NOD2: variants seen among roughly 807,000 people sequenced by gnomAD.
NOD2 encodes the protein nucleotide-binding oligomerization domain-containing protein 2.
A neutral mutation model predicts 90.9 loss-of-function variants in NOD2; 86 were observed. The observed-to-expected ratio is 0.95, with a 90% CI of 0.79 to 1.13. The LOEUF (loss-of-function observed/expected upper bound fraction) is 1.13, where lower values mean the gene tolerates loss of function less well. Among genes scored for constraint, NOD2 ranks in the 50% most tolerant of loss-of-function variants. The pLI is 0.00. For missense variants in NOD2, 1,238 were observed against 1,283.8 expected (o/e 0.96, Z 0.55); for synonymous variants, 581 against 554.6 (o/e 1.05, Z -0.67).
Position 50,722,682 on chromosome 16 carries a change from T to A in NOD2, c.2694T>A (p.Asp898Glu), listed in dbSNP as rs774129547. ...AGGCCCTGGCTGAAGCCTTGGGTGA[T>A]CACCAGAGCTTGAGGTGGCTCAGGT... is the stretch of plus-strand genomic sequence containing the variant. ...GAQALAEALGDHQSLRWLSLV... is the reference protein window; with the variant it reads ...GAQALAEALGEHQSLRWLSLV... Residue 898 changes from aspartate to glutamate, a missense_variant, in exon 8 of 12, where the codon GAT becomes GAA. Transcript: ENST00000647318. The A allele has an allele frequency of 6.2e-7, 1 of 1,614,228 alleles. No individual in the cohort carries two copies. Among genetic ancestry groups the A allele is most frequent in the South Asian group, 1.1e-5 (1 of 91,088 alleles).
intron 6 of NOD2, among the ~76,000 whole-genome samples, chr16:50,718,365 G>A (rs1227120465): frequency 6.6e-6 from 1 of 152,268 alleles, no homozygotes; most frequent in Admixed American, 6.5e-5. Context: ...CGTATAGAGC[G>A]TGGATGCGCT....
chr16:50,732,184 G>C lies in NOD2; in HGVS notation c.*365G>C. ...GCTTGTTAACTGAGTGCCTTTTGGT[G>C]GAGAGGCCCGGCCTCTCACAAAAGA... is the stretch of plus-strand genomic sequence containing the variant. On this transcript the variant is annotated 3_prime_UTR_variant, in exon 12 of 12. Transcript: ENST00000647318. The C allele has an allele frequency of 2.6e-6, 1 of 379,556 alleles. No individual in the cohort carries two copies. The highest frequency in any genetic ancestry group is 6.0e-5 in the East Asian group (1 of 16,668). The allele number at this position is 379,556 out of a possible 1,614,324, so 23.5% of individuals were successfully genotyped here.
At chr16:50,697,156 C>G in intron 1 of NOD2, 2 of 1,139,422 alleles carry the variant, frequency 1.8e-6, no homozygotes, top group South Asian at 2.6e-5. Context: ...GATCCAGGCT[C>G]ACCAGTCCTG....
intron 2 of NOD2, among the ~76,000 whole-genome samples, chr16:50,704,841 T>C (rs1964113055): frequency 6.6e-6 from 1 of 152,248 alleles, no homozygotes; most frequent in African/African-American, 2.4e-5. Context: ...TAAAACTCTT[T>C]CTGGAAGCTT....
At position 50,711,429 on chromosome 16, in the gene NOD2, C is replaced by T. The variant is rs1964494089; in HGVS notation, c.1437C>T (p.Ser479=). 2 of 1,613,366 alleles carry T rather than the reference C, an allele frequency of 1.2e-6. No individual in the cohort carries two copies. Among genetic ancestry groups the T allele is most frequent in the Non-Finnish European group, 1.7e-6 (2 of 1,180,024 alleles). The change falls in exon 4 of 12, where the codon TCC becomes TCT. Residue 479 remains serine, a synonymous_variant. Transcript: ENST00000647318. ...AACTGTTGCTGCAGGAGGGGGGGTCCCCAAAGACCACTACAGATATGTACC... is the reference window on the plus strand; with the variant it reads ...AACTGTTGCTGCAGGAGGGGGGGTCTCCAAAGACCACTACAGATATGTACC... ...HQELLLQEGG[S]PKTTTDMYLL... is the part of the protein sequence containing the mutation.
rs1286850823 is a variant in NOD2, at chr16:50,732,645, C to G, written c.*826C>G. ...GGAAACAGCTCGACTTTAAAAAGCT[C>G]CAAATGCAGCTTTAAAAAATTAATC... On this transcript the variant is annotated 3_prime_UTR_variant, in exon 12 of 12. Coordinates refer to ENST00000647318, the MANE Select transcript of NOD2 (RefSeq NM_001370466.1). 2 of 152,312 alleles carry G rather than the reference C, an allele frequency of 1.3e-5. No individual in the cohort carries two copies. The highest frequency in any genetic ancestry group is 2.9e-5 in the Non-Finnish European group (2 of 68,024). The allele number at this position is 152,312 out of a possible 1,614,324, so 9.4% of individuals were successfully genotyped here.
In NOD2 at chr16:50,716,646, A is replaced by G. The variant is rs913651690; in HGVS notation, c.2441A>G (p.His814Arg). 1 of 1,614,094 alleles carries G rather than the reference A, an allele frequency of 6.2e-7. No individual in the cohort carries two copies. The highest frequency in any genetic ancestry group is 1.3e-5 in the African/African-American group (1 of 74,942). The change falls in exon 5 of 12, where the codon CAC becomes CGC. Residue 814 changes from histidine to arginine, a missense_variant. Coordinates refer to ENST00000647318, the MANE Select transcript of NOD2 (RefSeq NM_001370466.1). ...TGCAAGCTCATTGAATGTGCTCTTC[A>G]CTGCGAGCAATTGCAGAAGTTAGCG... ...GICKLIECAL[H>R]CEQLQKLALF... is the part of the protein sequence containing the mutation.
intron 2 of NOD2, among the ~76,000 whole-genome samples, chr16:50,703,056 T>G (rs1307791189): frequency 6.6e-6 from 1 of 152,188 alleles, no homozygotes; most frequent in Non-Finnish European, 1.5e-5. Flanking sequence ...AATATTAACT[T>G]AAACATTTTT....
At chr16:50,718,261 T>C (rs1224931117) in intron 6 of NOD2, among the ~76,000 whole-genome samples, 1 of 152,114 alleles carries the variant, frequency 6.6e-6, no homozygotes, top group East Asian at 1.9e-4. Context: ...AGGAGGAGAA[T>C]CATCTGCTCC....
Position 50,711,852 on chromosome 16 carries a change from G to A in NOD2, c.1860G>A (p.Met620Ile). The stretch of plus-strand genomic sequence containing the variant: ...CAATGGCCAGGCTCCTGCCCACGAT[G>A]TGCATCCAGGCCTCGGAGGGAAAGG... The part of the protein sequence containing the change: ...NSPMARLLPT[M>I]CIQASEGKDS... The change falls in exon 4 of 12, where the codon ATG becomes ATA. Residue 620 changes from methionine (M) to isoleucine (I), a missense_variant. By Grantham distance (10) the Met-to-Ile change is conservative. Transcript: ENST00000647318. 1 of 1,612,578 alleles carries A rather than the reference G, an allele frequency of 6.2e-7. No homozygotes were observed. Among genetic ancestry groups the A allele is most frequent in the Non-Finnish European group, 8.5e-7 (1 of 1,178,730 alleles).
intron 1 of NOD2, among the ~76,000 whole-genome samples, chr16:50,698,311 G>C (rs190350266): frequency 6.6e-6 from 1 of 152,208 alleles, no homozygotes; most frequent in South Asian, 2.1e-4. Flanking sequence ...CGCACAGCAG[G>C]TCACTGATGA....
rs764199623 is a variant in NOD2, at chr16:50,711,840, C to T, written c.1848C>T (p.Leu616=). The change falls in exon 4 of 12, where the codon CTC becomes CTT. Residue 616 remains leucine, a synonymous_variant. Coordinates refer to ENST00000647318, the MANE Select transcript of NOD2 (RefSeq NM_001370466.1). The part of the protein sequence containing the change: ...GRPGNSPMAR[L]LPTMCIQASE... ...CAGGCAACTCACCAATGGCCAGGCT[C>T]CTGCCCACGATGTGCATCCAGGCCT... The T allele has an allele frequency of 4.4e-5, 71 of 1,613,372 alleles. No individual in the cohort carries two copies. The highest frequency in any genetic ancestry group is 5.8e-5 in the Non-Finnish European group (68 of 1,179,472).
In NOD2 at chr16:50,711,148, G is replaced by A; in HGVS notation, c.1156G>A (p.Gly386Ser). ...GACCCTGCTCTTCAACCTTCTGCAG[G>A]GCAACCTGCTGAAGAATGCCCGCAA... Reference protein sequence around the residue: ...VQTLLFNLLQGNLLKNARKVV... With the variant: ...VQTLLFNLLQSNLLKNARKVV... The change falls in exon 4 of 12, where the codon GGC (glycine) becomes AGC (serine). Residue 386 changes from glycine to serine, a missense_variant. Transcript: ENST00000647318. The A allele has an allele frequency of 6.2e-7, 1 of 1,614,152 alleles. No homozygotes were observed. Among genetic ancestry groups the A allele is most frequent in the Non-Finnish European group, 8.5e-7 (1 of 1,180,036 alleles).
intron 11 of NOD2, 101 bp downstream of exon 11, chr16:50,730,002 C>G: frequency 1.3e-6 from 1 of 779,110 alleles, no homozygotes; most frequent in South Asian, 1.4e-5. Context: ...TTTGAGGATC[C>G]CTTCTGATTC....
Position 50,704,332 on chromosome 16 carries a change from G to A in NOD2, c.460-3523G>A, listed in dbSNP as rs149264907. Among the ~76,000 whole-genome samples the A allele has an allele frequency of 1.8e-3, 273 of 152,180 alleles. 2 individuals are homozygous for A. The highest frequency in any genetic ancestry group is 4.4e-3 in the East Asian group (23 of 5,178). On this transcript the variant is annotated intron_variant, in intron 2 of 11. Coordinates refer to ENST00000647318, the MANE Select transcript of NOD2 (RefSeq NM_001370466.1). ...CTGGTTTACTACATTTTGCTAGACC[G>A]TATCCTCCAGTCAATTCCTTAGAAT...
chr16:50,727,739 G>T, intron 10 of NOD2: 1 of 350,816 alleles, frequency 2.9e-6, no homozygotes, highest in Non-Finnish European at 5.7e-6. Flanking sequence ...GTGGAGAATT[G>T]GACCCTTTCT....
rs767360376 is a variant in NOD2 at position 50,729,939 on chromosome 16, C to T, written c.2969+38C>T. The T allele has an allele frequency of 8.6e-6, 13 of 1,507,790 alleles. No homozygotes were observed. In the South Asian group the frequency reaches 1.4e-4, roughly 16 times the overall value. The allele number at this position is 1,507,790 out of a possible 1,614,324, so 93.4% of individuals were successfully genotyped here. A position where few individuals can be genotyped will look rare whatever the true frequency, so the allele number is the denominator to read the frequency against. On this transcript the variant is annotated intron_variant, in intron 11 of 11. Coordinates refer to ENST00000647318, the MANE Select transcript of NOD2 (RefSeq NM_001370466.1). ...GGCAGGCCTGTTTTAGCTCTCCGAACCTCAGTTTTTCTATCTGTAAAATGG... is the reference window on the plus strand; with the variant it reads ...GGCAGGCCTGTTTTAGCTCTCCGAATCTCAGTTTTTCTATCTGTAAAATGG...
intron 2 of NOD2, among the ~76,000 whole-genome samples, chr16:50,706,915 C>T (rs541608716): frequency 6.6e-6 from 1 of 152,178 alleles, no homozygotes; most frequent in African/African-American, 2.4e-5. Context: ...CCAGGCTGGT[C>T]TGGAACTCCG....
At chr16:50,729,792 G>A in intron 10 of NOD2, 26 bp from the exon 11 acceptor site, 1 of 1,594,790 alleles carries the variant, frequency 6.3e-7, no homozygotes, top group Non-Finnish European at 8.6e-7. Context: ...AATCCTTGAA[G>A]CTCACCATTG....
Sources: allele counts gnomAD v4.1 joint callset (sites outside exome capture counted in the v4.1 genomes callset), GRCh38; gene constraint gnomAD v4.1.1; transcripts MANE v1.5; gene names NCBI Gene and HGNC (gene_info 2026-07-23, HGNC 2026-07-21).